Variants in FHAD1 observed in about 807,000 individuals in gnomAD.
FHAD1 encodes forkhead-associated domain-containing protein 1.
Under a neutral mutation model 191.3 loss-of-function variants are expected in FHAD1, and 146 were observed. The observed-to-expected ratio is 0.76, with a 90% CI of 0.67 to 0.88. FHAD1 has a LOEUF of 0.88. Among genes scored for constraint, FHAD1 ranks in the 40% least tolerant of loss-of-function variants. The pLI is 0.00. For missense variants in FHAD1, 1,635 were observed against 1,785.8 expected (o/e 0.92, Z 1.52); for synonymous variants, 616 against 672.3 (o/e 0.92, Z 1.29).
chr1:15,338,280 C>G (rs533372996), intron 14 of FHAD1, among the ~76,000 whole-genome samples: 1 of 152,330 alleles, frequency 6.6e-6, no homozygotes, highest in East Asian at 1.9e-4. Context: ...CTTCCGGAGG[C>G]TCTAGAGCAG....
chr1:15,363,426 T>C (rs1348033768), intron 23 of FHAD1, among the ~76,000 whole-genome samples: 3 of 152,176 alleles, frequency 2.0e-5, no homozygotes, highest in African/African-American at 7.2e-5. Context: ...CATTCAAACA[T>C]AGCAGATCCC....
chr1:15,349,080 AAAGG>A lies in FHAD1; in HGVS notation c.2389_2392del (p.Glu797ProfsTer16). Reference sequence around the variant, plus strand: ...GCATAGCCCATGAAAAAAGAAAAGCAAAGGAAGCCTTGGAGTCGGAAAAGAGAAA... The same window carrying A: ...GCATAGCCCATGAAAAAAGAAAAGCAAAGCCTTGGAGTCGGAAAAGAGAAA... On this transcript the variant is annotated frameshift_variant, in exon 19 of 34. Transcript: ENST00000688493. LOFTEE classifies it high-confidence loss of function. 1 of 1,551,814 alleles carries A rather than the reference AAAGG, an allele frequency of 6.4e-7. No homozygotes were observed. Among genetic ancestry groups the A allele is most frequent in the Non-Finnish European group, 8.7e-7 (1 of 1,147,020 alleles).
rs1457836947 is a variant in FHAD1 at position 15,312,449 on chromosome 1, C to A, written c.1040-608C>A. 1.3e-5 allele frequency among the ~76,000 whole-genome samples: 2 copies of A among 152,108 alleles called. No individual in the cohort carries two copies. Among genetic ancestry groups the A allele is most frequent in the Non-Finnish European group, 2.9e-5 (2 of 68,028 alleles). On this transcript the variant is annotated intron_variant, in intron 7 of 33. Transcript: ENST00000688493. The surrounding 1 kb of genome is among the most constrained non-coding windows in gnomAD (Gnocchi z 4.7). ...ACAGAGGCTGGTGGATTGCTTCAGC[C>A]TGGGAGTTTGAGACCCGCCTGGGCA...
Position 15,272,341 on chromosome 1 carries a change from C to A in FHAD1, c.112C>A (p.His38Asn). ...GTTGCAGTCTCCTGACATCGACAACCACCATGCACTCATTGAATATAACGA... is the reference window on the plus strand; with the variant it reads ...GTTGCAGTCTCCTGACATCGACAACAACCATGCACTCATTGAATATAACGA... ...LVLQSPDIDN[H>N]HALIEYNEAE... The change falls in exon 3 of 34, where the codon CAC (histidine) becomes AAC (asparagine). Residue 38 changes from histidine to asparagine, a missense_variant. Physicochemically the swap from His to Asn is moderately conservative, Grantham distance 68. Transcript: ENST00000688493. 1 of 1,551,000 alleles carries A rather than the reference C, an allele frequency of 6.4e-7. No homozygotes were observed. The highest frequency in any genetic ancestry group is 1.2e-5 in the South Asian group (1 of 84,048).
chr1:15,261,870 T>C (rs1651225313), intron 2 of FHAD1, among the ~76,000 whole-genome samples: 1 of 152,058 alleles, frequency 6.6e-6, no homozygotes, highest in South Asian at 2.1e-4. Context: ...TACACACAGG[T>C]GCCTGTCGTC....
intron 6 of FHAD1, among the ~76,000 whole-genome samples, chr1:15,306,002 C>G (rs1670373346): frequency 6.6e-6 from 1 of 152,086 alleles, no homozygotes; most frequent in African/African-American, 2.4e-5. Flanking sequence ...TTGGAGGGCT[C>G]AGAAGAAGAG....
intron 26 of FHAD1, among the ~76,000 whole-genome samples, chr1:15,371,627 C>T (rs999063047): frequency 6.6e-6 from 1 of 152,224 alleles, no homozygotes; most frequent in Non-Finnish European, 1.5e-5. Flanking sequence ...CCCCAAAACT[C>T]AGTATCTGCT....
intron 2 of FHAD1, among the ~76,000 whole-genome samples, chr1:15,271,150 A>G (rs1573839077): frequency 6.7e-6 from 1 of 149,648 alleles, no homozygotes; most frequent in East Asian, 2.0e-4. Context: ...GAAAAAAAAA[A>G]AAAAAAAAAA....
At chr1:15,293,649 C>T (rs1426544993) in intron 4 of FHAD1, among the ~76,000 whole-genome samples, 1 of 152,234 alleles carries the variant, frequency 6.6e-6, no homozygotes, top group Non-Finnish European at 1.5e-5. Context: ...ACCCGGGAGG[C>T]AGAGGTTGCA....
chr1:15,249,446 T>G (rs1373705064), intron 1 of FHAD1, among the ~76,000 whole-genome samples: 1 of 152,208 alleles, frequency 6.6e-6, no homozygotes, highest in Non-Finnish European at 1.5e-5. Context: ...CCTCTGCAAT[T>G]GAAGATTAAT....
In FHAD1 at chr1:15,382,214, G is replaced by A. The variant is rs775173021; in HGVS notation, c.4188+21G>A. ...AGAAGGTGAGGCGCTGCTGCCCAGG[G>A]CAGAACCTCCCAGGCTGCCCTGCAG... On this transcript the variant is annotated intron_variant, in intron 31 of 33. Coordinates refer to ENST00000688493, the MANE Select transcript of FHAD1 (RefSeq NM_001391957.1). 9.7e-6 allele frequency: 15 copies of A among 1,548,604 alleles called. No individual in the cohort carries two copies. The South Asian group carries it at 1.7e-4, about 17-fold the overall frequency.
intron 20 of FHAD1, among the ~76,000 whole-genome samples, chr1:15,353,986 C>T (rs757291440): frequency 2.0e-4 from 31 of 152,136 alleles, no homozygotes; most frequent in Admixed American, 9.2e-4. Context: ...AACACACACA[C>T]AATGACCAAT....
chr1:15,347,015 C>A (rs1224959255), intron 18 of FHAD1, among the ~76,000 whole-genome samples: 5 of 152,206 alleles, frequency 3.3e-5, no homozygotes, highest in African/African-American at 4.8e-5. Context: ...TCCTTGCCCA[C>A]CCACTGCTGC....
Position 15,375,624 on chromosome 1 carries a change from A to T in FHAD1, c.3599A>T (p.Glu1200Val), listed in dbSNP as rs754547243. 14 of 1,539,068 alleles carry T rather than the reference A, an allele frequency of 9.1e-6. No homozygotes were observed. Among genetic ancestry groups the T allele is most frequent in the Admixed American group, 4.2e-5 (2 of 47,180 alleles). ...ACAGATCATAAAGACCACCAGAATGAATCATTTCTAGATTTAAAGAACCTC... is the reference window on the plus strand; with the variant it reads ...ACAGATCATAAAGACCACCAGAATGTATCATTTCTAGATTTAAAGAACCTC... Reference protein sequence around the residue: ...RSPDHKDHQNESFLDLKNLRM... With the variant: ...RSPDHKDHQNVSFLDLKNLRM... Residue 1200 changes from glutamate (E) to valine (V), a missense_variant, in exon 28 of 34, where the codon GAA becomes GTA. Physicochemically the swap from Glu to Val is moderately radical, Grantham distance 121. Coordinates refer to ENST00000688493, the MANE Select transcript of FHAD1 (RefSeq NM_001391957.1).
At chr1:15,328,188 C>A in intron 12 of FHAD1, 89 bp from the exon 13 acceptor site, 1 of 1,053,472 alleles carries the variant, frequency 9.5e-7, no homozygotes, top group Admixed American at 3.2e-5. Context: ...AGTTGCATCT[C>A]TCCCCTCTCC....
intron 33 of FHAD1, among the ~76,000 whole-genome samples, chr1:15,394,066 A>G (rs1477936722): frequency 1.3e-5 from 2 of 152,116 alleles, no homozygotes; most frequent in African/African-American, 2.4e-5. Context: ...ACCGGCTTCT[A>G]CCCCTGCCTT....
At chr1:15,305,857 G>A (rs537464187) in intron 6 of FHAD1, 20 of 385,970 alleles carry the variant, frequency 5.2e-5, no homozygotes, top group South Asian at 3.7e-4. Flanking sequence ...CCCAGTATCG[G>A]GTATGGCTTT....
At chr1:15,270,430 T>A (rs1655412407) in intron 2 of FHAD1, among the ~76,000 whole-genome samples, 1 of 152,174 alleles carries the variant, frequency 6.6e-6, no homozygotes, top group Non-Finnish European at 1.5e-5. Flanking sequence ...ATTCATTCTG[T>A]GTCTCAGTTT....
At position 15,320,183 on chromosome 1, in the gene FHAD1, T is replaced by G. The variant is rs145890949; in HGVS notation, c.1365+2255T>G. On this transcript the variant is annotated intron_variant, in intron 10 of 33. Transcript: ENST00000688493. ...TTCTGCTTACCTTTTTTGTTACTGATTTTTAGCTTAATTACACTGTGGTCA... is the reference window on the plus strand; with the variant it reads ...TTCTGCTTACCTTTTTTGTTACTGAGTTTTAGCTTAATTACACTGTGGTCA... 1.9e-3 allele frequency among the ~76,000 whole-genome samples: 291 copies of G among 152,370 alleles called. 1 individual carries two copies. Among genetic ancestry groups the G allele is most frequent in the African/African-American group, 6.7e-3 (280 of 41,592 alleles).
Sources: gnomAD v4.1 joint callset for allele counts (sites outside exome capture counted in the v4.1 genomes callset) on GRCh38, gnomAD v4.1.1 for gene constraint, Gnocchi (gnomAD v3.1) non-coding constraint, MANE v1.5 for transcripts, NCBI Gene and HGNC (gene_info 2026-07-23, HGNC 2026-07-21) for gene names.